The following CDH20 variants were observed in gnomAD, a reference collection of about 807,000 sequenced individuals.
CDH20 encodes the protein cadherin-20.
In CDH20, 29 loss-of-function variants were observed where a neutral mutation model predicts 74.2. The observed-to-expected ratio is 0.39, with a 90% CI of 0.29 to 0.53. The LOEUF (loss-of-function observed/expected upper bound fraction) is 0.53. CDH20 is among the 20% of genes least tolerant of loss of function. The pLI, the probability that CDH20 is intolerant of heterozygous loss-of-function variation, is 0.69. For synonymous variants in CDH20, 469 were observed against 405.4 expected, an observed-to-expected ratio of 1.16 and a Z score of -1.88; for missense variants, 988 against 1,048.3, an observed-to-expected ratio of 0.94 and a Z score of 0.79.
intron 1 of CDH20, chr18:61,391,478 G>GA (rs1911778106): frequency 6.6e-6 from 1 of 151,898 alleles, no homozygotes; most frequent in African/African-American, 2.4e-5. Flanking sequence ...ATTTGTAATT[G>GA]AAAAAAAGTC....
chr18:61,369,700 G>A (rs952978832), intron 1 of CDH20, among the ~76,000 whole-genome samples: 2 of 152,136 alleles, frequency 1.3e-5, no homozygotes, highest in African/African-American at 2.4e-5. Context: ...TATGGAAGAT[G>A]TGGAACATAT....
chr18:61,338,123 T>C (rs1360857265), intron 1 of CDH20, among the ~76,000 whole-genome samples: 1 of 152,158 alleles, frequency 6.6e-6, no homozygotes, highest in African/African-American at 2.4e-5. Context: ...TCAAAAGGGA[T>C]TGCAAAAGCA....
intron 7 of CDH20, among the ~76,000 whole-genome samples, chr18:61,535,644 G>A (rs934763361): frequency 3.3e-5 from 5 of 152,142 alleles, no homozygotes; most frequent in African/African-American, 1.2e-4. Context: ...TTCTCCCCTT[G>A]GAGAGCTCTG....
At chr18:61,398,027 G>A (rs1472890718) in intron 1 of CDH20, among the ~76,000 whole-genome samples, 1 of 152,192 alleles carries the variant, frequency 6.6e-6, no homozygotes, top group African/African-American at 2.4e-5. Context: ...TGCTCTGCTA[G>A]CTAAGTCAGA....
rs192054125 is a variant in CDH20 at position 61,346,530 on chromosome 18, C to G, written c.-153+12703C>G. On this transcript the variant is annotated intron_variant, in intron 1 of 11. Coordinates refer to ENST00000262717, the MANE Select transcript of CDH20 (RefSeq NM_031891.4). ...AAAAAATTGAAAAGCATAGCTCTGA[C>G]AAGTATTCTTTATTTATGAGAGTAA... is the stretch of plus-strand genomic sequence containing the variant. 5.5e-3 allele frequency among the ~76,000 whole-genome samples: 832 copies of G among 152,106 alleles called. 7 individuals are homozygous for G. The highest frequency in any genetic ancestry group is 9.5e-3 in the Non-Finnish European group (643 of 67,986).
intron 1 of CDH20, among the ~76,000 whole-genome samples, chr18:61,425,098 T>C (rs1417784450): frequency 6.6e-6 from 1 of 151,592 alleles, no homozygotes; most frequent in African/African-American, 2.4e-5. Flanking sequence ...GCTCTAGGTA[T>C]AGGTCTATCT....
At chr18:61,448,078 A>T (rs906399837) in intron 1 of CDH20, among the ~76,000 whole-genome samples, 1 of 152,210 alleles carries the variant, frequency 6.6e-6, no homozygotes, top group African/African-American at 2.4e-5. Context: ...CGGTAAAATG[A>T]AGGTAAAGCT....
intron 11 of CDH20, among the ~76,000 whole-genome samples, chr18:61,551,883 C>G (rs1913449238): frequency 6.6e-6 from 1 of 152,210 alleles, no homozygotes. Flanking sequence ...TTTAAAGAGA[C>G]TGGCTTGGAG....
At chr18:61,445,101 T>TA (rs1909156164) in intron 1 of CDH20, among the ~76,000 whole-genome samples, 1 of 152,152 alleles carries the variant, frequency 6.6e-6, no homozygotes. Flanking sequence ...TCAAAGGTTT[T>TA]AAAGCTTGGC....
intron 6 of CDH20, among the ~76,000 whole-genome samples, chr18:61,508,115 C>A (rs978240001): frequency 1.3e-5 from 2 of 152,140 alleles, no homozygotes; most frequent in Non-Finnish European, 2.9e-5. Context: ...GCTATCAATT[C>A]TTTCTGTGAC....
intron 1 of CDH20, among the ~76,000 whole-genome samples, chr18:61,370,950 G>T (rs1021949948): frequency 5.3e-5 from 8 of 152,000 alleles, no homozygotes; most frequent in African/African-American, 1.9e-4. Flanking sequence ...AAAAAAGTTA[G>T]ACTAGGCATG....
intron 2 of CDH20, among the ~76,000 whole-genome samples, chr18:61,495,676 C>T (rs1911112462): frequency 6.6e-6 from 1 of 152,186 alleles, no homozygotes; most frequent in Admixed American, 6.5e-5. Flanking sequence ...AGGGGCTCCG[C>T]TCCAAACCTG....
rs150698717 is a variant in CDH20, at chr18:61,507,527, C to T, written c.984C>T (p.Pro328=). 4.3e-6 allele frequency: 7 copies of T among 1,610,378 alleles called. No individual in the cohort carries two copies. The African/African-American group carries it at 9.4e-5, about 22-fold the overall frequency. Residue 328 remains proline (P), a synonymous_variant, in exon 6 of 12, where the codon CCC becomes CCT. Transcript: ENST00000262717. ...GADAFDISTD[P]NFQVGIITVK... ...ATGCCTTTGACATTAGCACAGATCC[C>T]AATTTCCAAGTTGGTATCATAACTG...
rs149508406 is a variant in CDH20 at position 61,450,596 on chromosome 18, T to C, written c.-152-39806T>C. On this transcript the variant is annotated intron_variant, in intron 1 of 11. Transcript: ENST00000262717. The stretch of plus-strand genomic sequence containing the variant: ...TTTTTTATTATAGAGGTAATGCATG[T>C]TCACTATAAGCCATTCATTCAAAAT... 4.7e-3 allele frequency among the ~76,000 whole-genome samples: 721 copies of C among 152,158 alleles called. 6 individuals are homozygous for C. Among genetic ancestry groups the C allele is most frequent in the African/African-American group, 0.017 (691 of 41,556 alleles).
chr18:61,402,528 A>G (rs1368438156), intron 1 of CDH20, among the ~76,000 whole-genome samples: 4 of 152,328 alleles, frequency 2.6e-5, no homozygotes, highest in African/African-American at 9.6e-5. Context: ...AGATTTTCTC[A>G]TGGCCTAAAC....
chr18:61,514,221 A>T (rs1381328594), intron 6 of CDH20, among the ~76,000 whole-genome samples: 176 of 150,406 alleles, frequency 1.2e-3, no homozygotes, highest in Non-Finnish European at 2.0e-3. Flanking sequence ...TTTTCTCTAA[A>T]CTTCCCTTCT....
At chr18:61,498,658 A>G (rs563541379) in intron 2 of CDH20, among the ~76,000 whole-genome samples, 3 of 152,334 alleles carry the variant, frequency 2.0e-5, no homozygotes, top group Non-Finnish European at 4.4e-5. Context: ...TGGGAGGAAG[A>G]ATCCACGGAG....
intron 1 of CDH20, among the ~76,000 whole-genome samples, chr18:61,486,167 A>C (rs1910757122): frequency 6.6e-6 from 1 of 152,228 alleles, no homozygotes; most frequent in Non-Finnish European, 1.5e-5. Context: ...TAGTAAATGA[A>C]AACAACTTCT....
At chr18:61,453,932 A>C (rs939828174) in intron 1 of CDH20, among the ~76,000 whole-genome samples, 5 of 152,180 alleles carry the variant, frequency 3.3e-5, no homozygotes, top group Non-Finnish European at 7.3e-5. Flanking sequence ...TCAGCAATGT[A>C]TGAGTAACAT....
Sources: allele counts gnomAD v4.1 joint callset (sites outside exome capture counted in the v4.1 genomes callset), GRCh38; gene constraint gnomAD v4.1.1; transcripts MANE v1.5; gene names NCBI Gene and HGNC (gene_info 2026-07-23, HGNC 2026-07-21).